KIT: variants seen among roughly 807,000 people sequenced by gnomAD.
The protein encoded by KIT is KIT proto-oncogene, receptor tyrosine kinase.
A neutral mutation model predicts 105.7 loss-of-function variants in KIT; 16 were observed. The ratio of observed to expected loss-of-function variants is 0.15; its 90% CI spans 0.10 to 0.23. KIT has a LOEUF of 0.23. KIT is among the 10% of genes least tolerant of loss of function. The pLI is 1.00. For synonymous variants in KIT, 438 were observed against 441.1 expected (o/e 0.99, Z 0.09); for missense variants, 858 against 1,213.8 (o/e 0.71, Z 4.36).
At chr4:54,685,143 G>A (rs894134732) in intron 1 of KIT, among the ~76,000 whole-genome samples, 1 of 152,068 alleles carries the variant, frequency 6.6e-6, no homozygotes, top group Non-Finnish European at 1.5e-5. Context: ...GCCACCCTGG[G>A]CCTTGTCATT....
intron 1 of KIT, among the ~76,000 whole-genome samples, chr4:54,659,361 A>AC (rs1005780206): frequency 2.9e-4 from 44 of 152,132 alleles, no homozygotes; most frequent in African/African-American, 1.0e-3. Context: ...CGCCCAGCTC[A>AC]CCCCTGAAGC....
chr4:54,674,627 C>T (rs996491791), intron 1 of KIT, among the ~76,000 whole-genome samples: 4 of 152,192 alleles, frequency 2.6e-5, no homozygotes, highest in Non-Finnish European at 4.4e-5. Context: ...CTTGAAATCT[C>T]AACTCAGAGG....
In KIT at chr4:54,695,583, A is replaced by G. The variant is rs959500527; in HGVS notation, c.139A>G (p.Ile47Val). The change falls in exon 2 of 21, where the codon ATA becomes GTA. Residue 47 changes from isoleucine (I) to valine (V), a missense_variant. Physicochemically the swap from Ile to Val is conservative, Grantham distance 29. Coordinates refer to ENST00000288135, the MANE Select transcript of KIT (RefSeq NM_000222.3). ...CATCCATCCAGGAAAATCAGACTTA[A>G]TAGTCCGCGTGGGCGACGAGATTAG... ...PSIHPGKSDLIVRVGDEIRLL... is the reference protein window; with the variant it reads ...PSIHPGKSDLVVRVGDEIRLL... 6.2e-7 allele frequency: 1 copy of G among 1,614,224 alleles called. No homozygotes were observed. The highest frequency in any genetic ancestry group is 8.5e-7 in the Non-Finnish European group (1 of 1,180,050).
At chr4:54,658,882 C>T (rs1310357852) in intron 1 of KIT, among the ~76,000 whole-genome samples, 1 of 152,154 alleles carries the variant, frequency 6.6e-6, no homozygotes, top group Non-Finnish European at 1.5e-5. Flanking sequence ...GCCGCGGCGC[C>T]GTTTCATTCC....
rs1002411463 is a variant in KIT, at chr4:54,739,003, A to G, written c.*446A>G. The G allele has an allele frequency of 1.2e-5, 6 of 496,030 alleles. No homozygotes were observed. The highest frequency in any genetic ancestry group is 9.6e-5 in the African/African-American group (5 of 52,044). 30.7% of individuals were successfully genotyped at this position (496,030 alleles called of 1,614,324 possible). On this transcript the variant is annotated 3_prime_UTR_variant, in exon 21 of 21. Coordinates refer to ENST00000288135, the MANE Select transcript of KIT (RefSeq NM_000222.3). ...AAGTCCTTTATGTGGAAAACAGAAC[A>G]TCATTAGAACAAAGGACAGAGTATG... is the stretch of plus-strand genomic sequence containing the variant.
chr4:54,713,442 C>T (rs1721281757), intron 7 of KIT, among the ~76,000 whole-genome samples: 1 of 151,980 alleles, frequency 6.6e-6, no homozygotes, highest in Non-Finnish European at 1.5e-5. Flanking sequence ...TTTAGCTGAG[C>T]CAGTTACATA....
At chr4:54,721,590 G>A (rs1262944904) in intron 7 of KIT, among the ~76,000 whole-genome samples, 3 of 152,182 alleles carry the variant, frequency 2.0e-5, no homozygotes, top group Admixed American at 6.5e-5. Flanking sequence ...CATCAGCAGG[G>A]CCAGGTTGAG....
chr4:54,718,126 A>G (rs1721617657), intron 7 of KIT, among the ~76,000 whole-genome samples: 1 of 152,186 alleles, frequency 6.6e-6, no homozygotes, highest in Non-Finnish European at 1.5e-5. Context: ...TTTGAGACAG[A>G]GTCTTGTTCC....
At chr4:54,686,341 T>C (rs1290897856) in intron 1 of KIT, among the ~76,000 whole-genome samples, 2 of 152,196 alleles carry the variant, frequency 1.3e-5, no homozygotes, top group Non-Finnish European at 2.9e-5. Flanking sequence ...TTCTGTAAAA[T>C]CACTAAATAT....
chr4:54,696,753 TA>T (rs2109666081), intron 2 of KIT, among the ~76,000 whole-genome samples: 1 of 152,374 alleles, frequency 6.6e-6, no homozygotes, highest in South Asian at 2.1e-4. Flanking sequence ...AAGCTGACTC[TA>T]AAGTTTGACT....
chr4:54,662,945 CTA>C (rs2109539426), intron 1 of KIT, among the ~76,000 whole-genome samples: 1 of 152,052 alleles, frequency 6.6e-6, no homozygotes, highest in South Asian at 2.1e-4. Context: ...TAGGAAATCA[CTA>C]GTCCTAGAGA....
intron 15 of KIT, 59 bp downstream of exon 15, chr4:54,731,478 C>A (rs2109793420): frequency 8.9e-7 from 1 of 1,125,678 alleles, no homozygotes; most frequent in South Asian, 1.2e-5. Context: ...GTATATCATG[C>A]TAATGTGGAA....
At chr4:54,698,253 C>T in intron 2 of KIT, 31 bp from the exon 3 acceptor site, 1 of 1,604,732 alleles carries the variant, frequency 6.2e-7, no homozygotes, top group Non-Finnish European at 8.5e-7. Context: ...ACCAGCCATT[C>T]CAACTACTGA....
chr4:54,687,705 C>A (rs185990298), intron 1 of KIT, among the ~76,000 whole-genome samples: 1 of 151,958 alleles, frequency 6.6e-6, no homozygotes, highest in South Asian at 2.1e-4. Flanking sequence ...TTTGGACACC[C>A]CTTCATGCTT....
At chr4:54,690,071 C>T (rs1577945330) in intron 1 of KIT, among the ~76,000 whole-genome samples, 1 of 131,492 alleles carries the variant, frequency 7.6e-6, no homozygotes, top group South Asian at 2.4e-4. Flanking sequence ...GGGGGGGGGG[C>T]TGTGTAATGT....
At chr4:54,703,033 T>G (rs1160926836) in intron 4 of KIT, among the ~76,000 whole-genome samples, 1 of 152,206 alleles carries the variant, frequency 6.6e-6, no homozygotes, top group East Asian at 1.9e-4. Flanking sequence ...TCCCCATGAC[T>G]TTTTAAATAC....
chr4:54,733,322 T>A, intron 17 of KIT, 130 bp downstream of exon 17: 2 of 1,072,848 alleles, frequency 1.9e-6, no homozygotes, highest in Non-Finnish European at 2.8e-6. Context: ...GCAGTCAAAT[T>A]AAGTATACTT....
intron 14 of KIT, among the ~76,000 whole-genome samples, chr4:54,730,031 A>T (rs996629193): frequency 1.3e-5 from 2 of 152,150 alleles, no homozygotes; most frequent in African/African-American, 2.4e-5. Context: ...TAACTACTCC[A>T]GCACATTTTT....
At chr4:54,687,987 A>T (rs1018234980) in intron 1 of KIT, among the ~76,000 whole-genome samples, 2 of 152,146 alleles carry the variant, frequency 1.3e-5, no homozygotes, top group African/African-American at 4.8e-5. Flanking sequence ...TTTAATGACG[A>T]CGGTGCATTG....
Sources: allele counts gnomAD v4.1 joint callset (sites outside exome capture counted in the v4.1 genomes callset), GRCh38; gene constraint gnomAD v4.1.1; transcripts MANE v1.5; gene names NCBI Gene and HGNC (gene_info 2026-07-23, HGNC 2026-07-21).